ZBTB40: variants seen among roughly 807,000 people sequenced by gnomAD.
The protein encoded by ZBTB40 is zinc finger and BTB domain-containing protein 40.
In ZBTB40, 60 loss-of-function variants were observed where a neutral mutation model predicts 117.5. That is an observed-to-expected ratio of 0.51 (90% CI 0.41 to 0.63). The LOEUF (loss-of-function observed/expected upper bound fraction) is 0.63, where lower values mean the gene tolerates loss of function less well. Among genes scored for constraint, ZBTB40 ranks in the 30% least tolerant of loss-of-function variants. ZBTB40 has a pLI of 0.00. For synonymous variants in ZBTB40, 525 were observed against 577.1 expected, an observed-to-expected ratio of 0.91 and a Z score of 1.29; for missense variants, 1,287 against 1,498.5, an observed-to-expected ratio of 0.86 and a Z score of 2.33.
intron 1 of ZBTB40, among the ~76,000 whole-genome samples, chr1:22,468,026 C>G: frequency 6.6e-6 from 1 of 150,774 alleles, no homozygotes; most frequent in East Asian, 2.0e-4. Flanking sequence ...GTGGTCAAGG[C>G]TGCAGTGAGC....
intron 1 of ZBTB40, among the ~76,000 whole-genome samples, chr1:22,481,958 A>T (rs1638332644): frequency 6.6e-6 from 1 of 151,624 alleles, no homozygotes; most frequent in Non-Finnish European, 1.5e-5. Flanking sequence ...AAAACTAGAA[A>T]AAAATGTTTT....
intron 1 of ZBTB40, among the ~76,000 whole-genome samples, chr1:22,468,643 C>CTTTTTTTTTTTTTTTTT (rs71020424): frequency 3.5e-5 from 1 of 28,600 alleles, no homozygotes. Flanking sequence ...GCCTGGCTGG[C>CTTTTTTTTTTTTTTTTT]TTTTTTTTTT....
At chr1:22,517,694 C>T in intron 13 of ZBTB40, 1 of 546,884 alleles carries the variant, frequency 1.8e-6, no homozygotes, top group South Asian at 3.3e-5. Flanking sequence ...TCCCTGTCTT[C>T]CTTTTTAGCC....
At chr1:22,497,347 G>A (rs758614909) in intron 3 of ZBTB40, among the ~76,000 whole-genome samples, 9 of 152,242 alleles carry the variant, frequency 5.9e-5, no homozygotes, top group Admixed American at 1.3e-4. Flanking sequence ...CAGCCGTGTC[G>A]CTGCTTTGGA....
At chr1:22,448,737 C>T (rs115514232), upstream of ZBTB40, among the ~76,000 whole-genome samples, 1,324 of 152,102 alleles carry the variant, frequency 8.7e-3, 10 homozygotes, top group African/African-American at 0.03. Context: ...GGCATGGTAC[C>T]TGGAAGAAAG....
In ZBTB40 at chr1:22,431,829, A is replaced by AT. The variant is rs572963735; in HGVS notation, c.-70+2822dup. Among the ~76,000 whole-genome samples the AT allele has an allele frequency of 6.0e-4, 91 of 151,788 alleles. 1 individual carries two copies. In the East Asian group the frequency reaches 0.015, roughly 25 times the overall value. ...TTTTTTAAAATTTGTATTTGATGGT[A>AT]TTTTTTTATCTTCTTGTTTTTAATT... On this transcript the variant is annotated intron_variant, in intron 1 of 8. Coordinates refer to the ZBTB40 transcript ENST00000650433.
At chr1:22,472,393 C>T (rs1641433202) in intron 1 of ZBTB40, among the ~76,000 whole-genome samples, 1 of 152,070 alleles carries the variant, frequency 6.6e-6, no homozygotes. Context: ...GCCATGTTGC[C>T]CAGGCTGGTC....
Position 22,437,344 on chromosome 1 carries a change from C to A in ZBTB40, c.-70+8330C>A, listed in dbSNP as rs561281297. Among the ~76,000 whole-genome samples the A allele has an allele frequency of 2.0e-5, 3 of 152,032 alleles. No individual in the cohort carries two copies. The South Asian group carries it at 6.3e-4, about 32-fold the overall frequency. On this transcript the variant is annotated intron_variant, in intron 1 of 8. Transcript: ENST00000650433. ...TTGAGACATAAAAACTCCAGGGAAC[C>A]CAGTCATGTTGGAGGAGTGCACATA...
At chr1:22,471,571 A>G (rs1263243924) in intron 1 of ZBTB40, among the ~76,000 whole-genome samples, 1 of 152,254 alleles carries the variant, frequency 6.6e-6, no homozygotes, top group African/African-American at 2.4e-5. Flanking sequence ...AGTGTGTGGA[A>G]CGTGCTTAGC....
Position 22,512,100 on chromosome 1 carries a change from T to C in ZBTB40, c.2427T>C (p.Cys809=). The C allele has an allele frequency of 1.2e-6, 2 of 1,613,534 alleles. No individual in the cohort carries two copies. The highest frequency in any genetic ancestry group is 1.3e-5 in the African/African-American group (1 of 75,020). The change falls in exon 11 of 18, where the codon TGT becomes TGC. Residue 809 remains cysteine, a synonymous_variant. Transcript: ENST00000375647. The part of the protein sequence containing the change: ...KKKKKRLPVT[C]DLCGREFAHA... ...AGAAGAAGAGGCTTCCAGTGACATG[T>C]GACCTCTGTGGCAGAGAATTTGCCC...
In ZBTB40 at chr1:22,513,572, G is replaced by T. The variant is rs1639299077; in HGVS notation, c.2668+442G>T. Among the ~76,000 whole-genome samples, 1 of 152,140 alleles carries T rather than the reference G, an allele frequency of 6.6e-6. No homozygotes were observed. Among genetic ancestry groups the T allele is most frequent in the African/African-American group, 2.4e-5 (1 of 41,432 alleles). On this transcript the variant is annotated intron_variant, in intron 12 of 17. Transcript: ENST00000375647. This position sits in a 1 kb window ranked among gnomAD's most constrained non-coding sequence, Gnocchi z 4.9. ...AAAAATTAGCCAGGCGTGGTGGCGG[G>T]CACCTGGAGTCTCAGCTACTCGGGA...
chr1:22,435,403 G>A (rs575096224), intron 1 of ZBTB40, among the ~76,000 whole-genome samples: 99 of 152,114 alleles, frequency 6.5e-4, no homozygotes, highest in African/African-American at 1.1e-3. Context: ...ACTGGTTTCT[G>A]TATATTTGTT....
intron 1 of ZBTB40, among the ~76,000 whole-genome samples, chr1:22,430,731 G>A (rs1005640739): frequency 2.0e-5 from 3 of 151,586 alleles, no homozygotes; most frequent in Admixed American, 2.0e-4. Context: ...CCCAGCCTCC[G>A]TGGTTGGCTT....
chr1:22,432,502 TA>T (rs755255361), intron 1 of ZBTB40, among the ~76,000 whole-genome samples: 1 of 152,234 alleles, frequency 6.6e-6, no homozygotes, highest in Non-Finnish European at 1.5e-5. Flanking sequence ...TAACATGAAG[TA>T]AAATTAAAAA....
At chr1:22,449,890 C>T (rs1274441387), upstream of ZBTB40, among the ~76,000 whole-genome samples, 1 of 152,118 alleles carries the variant, frequency 6.6e-6, no homozygotes, top group Non-Finnish European at 1.5e-5. Flanking sequence ...CATTCACATA[C>T]AGCACATTGG....
At chr1:22,519,135 A>G (rs1267321510) in intron 13 of ZBTB40, among the ~76,000 whole-genome samples, 8 of 152,250 alleles carry the variant, frequency 5.3e-5, no homozygotes, top group Non-Finnish European at 1.2e-4. Flanking sequence ...GTGATACCGA[A>G]TGCTGCTGCA....
At chr1:22,512,464 G>A (rs1639266968) in intron 11 of ZBTB40, among the ~76,000 whole-genome samples, 1 of 152,186 alleles carries the variant, frequency 6.6e-6, no homozygotes, top group South Asian at 2.1e-4. Context: ...TGTTTACAGT[G>A]ATAACCAGCT....
intron 14 of ZBTB40, 63 bp downstream of exon 14, chr1:22,520,338 C>T (rs2124470685): frequency 7.2e-7 from 1 of 1,383,766 alleles, no homozygotes; most frequent in East Asian, 2.3e-5. Flanking sequence ...ATTTGATCTT[C>T]CCTGATGCCC....
chr1:22,507,307 C>T (rs186205942), intron 6 of ZBTB40, among the ~76,000 whole-genome samples: 69 of 152,226 alleles, frequency 4.5e-4, no homozygotes, highest in African/African-American at 1.6e-3. Flanking sequence ...GCACTGTGCC[C>T]GGCACATGGG....
Sources: gnomAD v4.1 joint callset for allele counts (sites outside exome capture counted in the v4.1 genomes callset) on GRCh38, gnomAD v4.1.1 for gene constraint, Gnocchi (gnomAD v3.1) non-coding constraint, MANE v1.5 for transcripts, NCBI Gene and HGNC (gene_info 2026-07-23, HGNC 2026-07-21) for gene names.